RTCB: variants seen among roughly 807,000 people sequenced by gnomAD.
RTCB encodes RNA-splicing ligase RTCB.
In RTCB, 32 loss-of-function variants were observed where a neutral mutation model predicts 58.2. The ratio of observed to expected loss-of-function variants is 0.55; its 90% CI spans 0.41 to 0.74. The LOEUF (loss-of-function observed/expected upper bound fraction) is 0.74. Ranked by LOEUF, RTCB falls within the 30% of genes least tolerant of loss-of-function variation. The pLI is 0.00. For synonymous variants in RTCB, 247 were observed against 218.6 expected (o/e 1.13, Z -1.15); for missense variants, 523 against 639.0 (o/e 0.82, Z 1.96).
chr22:32,395,859 T>C (rs1014506816), intron 8 of RTCB, among the ~76,000 whole-genome samples: 2 of 152,064 alleles, frequency 1.3e-5, no homozygotes, highest in African/African-American at 4.8e-5. Context: ...GACGACCAGC[T>C]AAGCTAATTT....
At chr22:32,399,528 A>G in intron 6 of RTCB, 75 bp downstream of exon 6, 1 of 1,359,274 alleles carries the variant, frequency 7.4e-7, no homozygotes, top group Non-Finnish European at 1.0e-6. Flanking sequence ...TAAATGTAAG[A>G]TATAGATTTT....
At chr22:32,406,988 G>T (rs1431147241) in intron 3 of RTCB, among the ~76,000 whole-genome samples, 2 of 152,070 alleles carry the variant, frequency 1.3e-5, no homozygotes, top group African/African-American at 4.8e-5. Flanking sequence ...TGTTAATTAA[G>T]GAAATACAAA....
intron 10 of RTCB, among the ~76,000 whole-genome samples, chr22:32,393,377 TG>T (rs1933187475): frequency 6.6e-6 from 1 of 152,208 alleles, no homozygotes; most frequent in African/African-American, 2.4e-5. Flanking sequence ...TGGCCCTTTA[TG>T]GGAAGAGTTT....
intron 6 of RTCB, among the ~76,000 whole-genome samples, chr22:32,399,364 G>A (rs986886727): frequency 1.3e-5 from 2 of 150,990 alleles, no homozygotes; most frequent in Admixed American, 6.6e-5. Context: ...GGCTGGTCTC[G>A]AACTCCTGGC....
At chr22:32,399,528 A>C in intron 6 of RTCB, 75 bp downstream of exon 6, 1 of 1,359,274 alleles carries the variant, frequency 7.4e-7, no homozygotes, top group South Asian at 1.4e-5. Flanking sequence ...TAAATGTAAG[A>C]TATAGATTTT....
intron 1 of RTCB, among the ~76,000 whole-genome samples, chr22:32,409,481 T>A (rs1933483317): frequency 6.6e-6 from 1 of 152,238 alleles, no homozygotes; most frequent in Non-Finnish European, 1.5e-5. Context: ...ATGGACGACA[T>A]ACTTATGTAA....
At chr22:32,392,460 T>G (rs1290893653) in intron 10 of RTCB, 101 bp from the exon 11 acceptor site, 2 of 1,477,742 alleles carry the variant, frequency 1.4e-6, no homozygotes, top group South Asian at 1.2e-5. Flanking sequence ...AAACATCTTT[T>G]TTACTTTATC....
intron 5 of RTCB, among the ~76,000 whole-genome samples, chr22:32,400,403 A>G (rs1289615976): frequency 6.6e-6 from 1 of 152,130 alleles, no homozygotes; most frequent in African/African-American, 2.4e-5. Context: ...GCCAGGAAAA[A>G]CTACACTTTT....
intron 10 of RTCB, 102 bp downstream of exon 10, chr22:32,393,790 C>G (rs1307215526): frequency 7.3e-6 from 6 of 820,892 alleles, no homozygotes; most frequent in African/African-American, 1.7e-5. Flanking sequence ...AGGCCCAAGT[C>G]TCAACTCTGT....
chr22:32,394,999 TAAA>T (rs766243959), intron 9 of RTCB, 24 bp downstream of exon 9: 1 of 1,584,736 alleles, frequency 6.3e-7, no homozygotes. Context: ...CCCCACTGCT[TAAA>T]ACTACAAACG....
chr22:32,400,071 T>C, intron 5 of RTCB: 1 of 214,784 alleles, frequency 4.7e-6, no homozygotes, highest in South Asian at 1.7e-4. Flanking sequence ...CTGAATTCCA[T>C]GAGGTAGTGA....
At chr22:32,406,176 C>G (rs970582696) in intron 4 of RTCB, among the ~76,000 whole-genome samples, 1 of 152,110 alleles carries the variant, frequency 6.6e-6, no homozygotes, top group Non-Finnish European at 1.5e-5. Flanking sequence ...TAAAAATATG[C>G]TTTGCTTGAA....
intron 11 of RTCB, among the ~76,000 whole-genome samples, chr22:32,390,119 C>T (rs1933127370): frequency 6.6e-6 from 1 of 152,198 alleles, no homozygotes; most frequent in African/African-American, 2.4e-5. Flanking sequence ...AAACTGTACC[C>T]CTTCCCACCT....
At chr22:32,406,174 T>C (rs1021765945) in intron 4 of RTCB, among the ~76,000 whole-genome samples, 6 of 152,196 alleles carry the variant, frequency 3.9e-5, no homozygotes, top group Non-Finnish European at 7.3e-5. Context: ...AATAAAAATA[T>C]GCTTTGCTTG....
intron 4 of RTCB, among the ~76,000 whole-genome samples, chr22:32,403,360 T>A (rs536527595): frequency 6.6e-6 from 1 of 151,834 alleles, no homozygotes; most frequent in South Asian, 2.1e-4. Flanking sequence ...TGAGCCAAGA[T>A]TGCACCAGTG....
chr22:32,387,864 G>A lies in RTCB; in HGVS notation c.*128C>T, dbSNP rs933669998. 30 of 601,442 alleles carry A rather than the reference G, an allele frequency of 5.0e-5. No homozygotes were observed. Among genetic ancestry groups the A allele is most frequent in the Non-Finnish European group, 8.4e-5 (28 of 334,206 alleles). 37.3% of individuals were successfully genotyped at this position (601,442 alleles called of 1,614,324 possible). A position where few individuals can be genotyped will look rare whatever the true frequency, so the allele number is the denominator to read the frequency against. On this transcript the variant is annotated 3_prime_UTR_variant, in exon 12 of 12. Coordinates refer to ENST00000216038, the MANE Select transcript of RTCB (RefSeq NM_014306.5). ...CAGCAGCCTCCCCATCAGCCATTTTGGCGTGAGCAGTTACAGCTGCACACT... is the reference window on the plus strand; with the variant it reads ...CAGCAGCCTCCCCATCAGCCATTTTAGCGTGAGCAGTTACAGCTGCACACT...
chr22:32,408,152 T>C (rs767714194), intron 3 of RTCB, 23 bp downstream of exon 3: 17 of 1,604,738 alleles, frequency 1.1e-5, no homozygotes, highest in Admixed American at 5.0e-5. Flanking sequence ...TATAAATGAT[T>C]AAAGTTCTGA....
In RTCB at chr22:32,395,345, C is replaced by T. The variant is rs528626541; in HGVS notation, c.991-131G>A. The T allele has an allele frequency of 1.6e-4, 111 of 709,572 alleles. 1 individual carries two copies. The Middle Eastern group carries it at 8.0e-3, about 51-fold the overall frequency. The allele number at this position is 709,572 out of a possible 1,614,324, so 44.0% of individuals were successfully genotyped here. A position where few individuals can be genotyped will look rare whatever the true frequency, so the allele number is the denominator to read the frequency against. ...AAAGATTTAAAAGTTCAAAAGTAGC[C>T]GTAAGATTATCTTCACGTAAAGGAC... On this transcript the variant is annotated intron_variant, in intron 8 of 11. Transcript: ENST00000216038.
intron 4 of RTCB, among the ~76,000 whole-genome samples, chr22:32,405,505 T>C (rs1452072324): frequency 6.6e-6 from 1 of 152,200 alleles, no homozygotes; most frequent in Non-Finnish European, 1.5e-5. Context: ...CACACATGTA[T>C]ATTAGAGGTC....
Sources: gnomAD v4.1 joint callset for allele counts (sites outside exome capture counted in the v4.1 genomes callset) on GRCh38, gnomAD v4.1.1 for gene constraint, MANE v1.5 for transcripts, NCBI Gene and HGNC (gene_info 2026-07-23, HGNC 2026-07-21) for gene names.